Variants in PACSIN2 observed in about 807,000 individuals in gnomAD.
PACSIN2 encodes the protein protein kinase C and casein kinase substrate in neurons 2, also known as protein kinase C and casein kinase substrate in neurons protein 2.
PACSIN2 carries 25 observed loss-of-function variants against 63.8 expected under a neutral mutation model. That is an observed-to-expected ratio of 0.39 (90% CI 0.29 to 0.55). The LOEUF is 0.55. PACSIN2 is among the 20% of genes least tolerant of loss of function. The probability of loss-of-function intolerance (pLI) is 0.62; values close to 1 mark genes in which losing one functional copy is unlikely to be tolerated. For missense variants in PACSIN2, 518 were observed against 646.9 expected (o/e 0.80, Z 2.16); for synonymous variants, 255 against 256.2 (o/e 1.00, Z 0.05).
At chr22:42,888,831 C>T in intron 4 of PACSIN2, 33 bp from the exon 5 acceptor site, 1 of 1,609,802 alleles carries the variant, frequency 6.2e-7, no homozygotes. Flanking sequence ...AATGCCATGT[C>T]ACTGGGAGTT....
chr22:42,962,145 T>A lies in PACSIN2; in HGVS notation c.-77-49988A>T, dbSNP rs191776214. 7.3e-5 allele frequency among the ~76,000 whole-genome samples: 11 copies of A among 151,628 alleles called. No individual in the cohort carries two copies. In the East Asian group the frequency reaches 1.2e-3, roughly 16 times the overall value. On this transcript the variant is annotated intron_variant, in intron 1 of 10. Transcript: ENST00000263246. ...TCTGTACTAAAAAATACAAAAATTG[T>A]CTACCTGTTCCCTCCCCCAAGCCAG...
chr22:42,889,674 C>CACATCT (rs1872260679), intron 4 of PACSIN2, among the ~76,000 whole-genome samples: 1 of 151,948 alleles, frequency 6.6e-6, no homozygotes, highest in African/African-American at 2.4e-5. Context: ...TTGGGGGTGG[C>CACATCT]ACATCTACCG....
intron 2 of PACSIN2, among the ~76,000 whole-genome samples, chr22:42,910,771 G>A (rs1482085373): frequency 6.6e-6 from 1 of 152,334 alleles, no homozygotes; most frequent in Middle Eastern, 3.4e-3. Context: ...CAGCCGAGGG[G>A]TGGCAGCAGA....
chr22:42,968,114 G>T lies in PACSIN2; in HGVS notation c.-78+46907C>A, dbSNP rs559829619. On this transcript the variant is annotated intron_variant, in intron 1 of 10. Transcript: ENST00000263246. Reference sequence around the variant, plus strand: ...CACAGTTGCACAGCAATGGTAGCGCGGGAAGCTGCAACCCTGGCTCCCTCT... The same window carrying T: ...CACAGTTGCACAGCAATGGTAGCGCTGGAAGCTGCAACCCTGGCTCCCTCT... 1.7e-4 allele frequency among the ~76,000 whole-genome samples: 26 copies of T among 152,290 alleles called. No individual in the cohort carries two copies. In the South Asian group the frequency reaches 5.4e-3, roughly 32 times the overall value.
chr22:42,994,499 A>C (rs1923265225), intron 1 of PACSIN2, among the ~76,000 whole-genome samples: 1 of 152,212 alleles, frequency 6.6e-6, no homozygotes, highest in South Asian at 2.1e-4. Flanking sequence ...GCCCATGGCC[A>C]CCATTCAGCC....
intron 1 of PACSIN2, among the ~76,000 whole-genome samples, chr22:42,984,451 T>C (rs1601604169): frequency 1.3e-5 from 2 of 152,172 alleles, no homozygotes; most frequent in African/African-American, 4.8e-5. Context: ...GATGTTGATA[T>C]GTGAACCTAG....
intron 1 of PACSIN2, among the ~76,000 whole-genome samples, chr22:42,985,989 C>T (rs895574697): frequency 1.3e-5 from 2 of 149,476 alleles, no homozygotes; most frequent in Non-Finnish European, 1.5e-5. Flanking sequence ...AAAGAAACAT[C>T]GAGGTCTTCT....
At chr22:42,894,937 G>A (rs1400396659) in intron 2 of PACSIN2, among the ~76,000 whole-genome samples, 9 of 152,172 alleles carry the variant, frequency 5.9e-5, no homozygotes, top group African/African-American at 2.2e-4. Flanking sequence ...AGGGAAGGGG[G>A]CTGCAGCACC....
intron 1 of PACSIN2, among the ~76,000 whole-genome samples, chr22:42,927,988 C>T (rs1042824565): frequency 6.6e-5 from 10 of 152,278 alleles, no homozygotes; most frequent in South Asian, 2.1e-4. Flanking sequence ...AGTCCTCAGG[C>T]GGAGCCCAGG....
At chr22:42,937,821 C>T (rs563579890) in intron 1 of PACSIN2, among the ~76,000 whole-genome samples, 11 of 152,270 alleles carry the variant, frequency 7.2e-5, no homozygotes, top group East Asian at 1.9e-4. Flanking sequence ...GGGGGTCACA[C>T]GATCTGAAGA....
At chr22:43,003,957 A>C (rs2146922116) in intron 1 of PACSIN2, among the ~76,000 whole-genome samples, 1 of 152,296 alleles carries the variant, frequency 6.6e-6, no homozygotes, top group East Asian at 1.9e-4. Flanking sequence ...AAATGGTTGT[A>C]AACTTTCAGA....
At chr22:42,879,990 C>G (rs1449909710) in intron 7 of PACSIN2, among the ~76,000 whole-genome samples, 1 of 152,204 alleles carries the variant, frequency 6.6e-6, no homozygotes, top group Non-Finnish European at 1.5e-5. Context: ...ACCAACCGCA[C>G]TGAAAATGGA....
At chr22:42,994,431 G>A (rs73889014) in intron 1 of PACSIN2, among the ~76,000 whole-genome samples, 2,077 of 152,134 alleles carry the variant, frequency 0.014, 52 homozygotes, top group African/African-American at 0.048. Context: ...AAAGACCCTC[G>A]GGCGTGCTTA....
intron 1 of PACSIN2, among the ~76,000 whole-genome samples, chr22:42,977,254 G>A (rs182575726): frequency 3.9e-5 from 6 of 152,098 alleles, no homozygotes; most frequent in South Asian, 2.1e-4. Context: ...ACAAACTATA[G>A]AAACAATAGC....
intron 1 of PACSIN2, among the ~76,000 whole-genome samples, chr22:42,924,750 GTTTT>G (rs990060980): frequency 6.6e-6 from 1 of 150,594 alleles, no homozygotes; most frequent in Non-Finnish European, 1.5e-5. Flanking sequence ...CCCCAGTGAG[GTTTT>G]TTTTCTTTTT....
At chr22:42,890,904 G>A in intron 4 of PACSIN2, 43 bp downstream of exon 4, 2 of 1,536,966 alleles carry the variant, frequency 1.3e-6, no homozygotes, top group South Asian at 1.1e-5. Context: ...TGGGGTGCCA[G>A]GCAGAGCAAG....
chr22:42,909,068 G>C (rs1176017287), intron 2 of PACSIN2, among the ~76,000 whole-genome samples: 8 of 152,074 alleles, frequency 5.3e-5, no homozygotes, highest in South Asian at 2.1e-4. Context: ...GTCCCTGTGG[G>C]TAACCTCTCC....
In PACSIN2 at chr22:42,879,045, C is replaced by T; in HGVS notation, c.1028+3G>A. 1 of 1,612,948 alleles carries T rather than the reference C, an allele frequency of 6.2e-7. No individual in the cohort carries two copies. The highest frequency in any genetic ancestry group is 8.5e-7 in the Non-Finnish European group (1 of 1,179,356). ...CTTTTGGATGGAGGTGGCGCCCACTCACCTGCTGGGCTTACTCGGCAGAGA... is the reference window on the plus strand; with the variant it reads ...CTTTTGGATGGAGGTGGCGCCCACTTACCTGCTGGGCTTACTCGGCAGAGA... On this transcript the variant is annotated splice_donor_region_variant and intron_variant, in intron 8 of 10. Transcript: ENST00000263246.
rs1469611501 is a variant in PACSIN2, at chr22:42,876,147, G to A, written c.1338C>T (p.Ser446=). The part of the protein sequence containing the change: ...DYEGQEHDEL[S]FKAGDELTKM... ...GGGGAGCCCACCTACCAGCCTTGAA[G>A]CTCAGCTCATCATGCTCCTGCCCCT... Residue 446 remains serine, a synonymous_variant, in exon 10 of 11, where the codon AGC becomes AGT. Transcript: ENST00000263246. The A allele has an allele frequency of 1.2e-6, 2 of 1,611,634 alleles. No homozygotes were observed. Among genetic ancestry groups the A allele is most frequent in the South Asian group, 2.2e-5 (2 of 91,068 alleles).
Sources: gnomAD v4.1 joint callset for allele counts (sites outside exome capture counted in the v4.1 genomes callset) on GRCh38, gnomAD v4.1.1 for gene constraint, MANE v1.5 for transcripts, NCBI Gene and HGNC (gene_info 2026-07-23, HGNC 2026-07-21) for gene names.